The following DYNC1I2 variants were observed in gnomAD, a reference collection of about 807,000 sequenced individuals.
DYNC1I2 encodes the protein dynein cytoplasmic 1 intermediate chain 2, also known as cytoplasmic dynein 1 intermediate chain 2.
DYNC1I2 carries 53 observed loss-of-function variants against 88.6 expected under a neutral mutation model. The observed-to-expected ratio is 0.60, with a 90% CI of 0.48 to 0.75. DYNC1I2 has a LOEUF of 0.75. Among genes scored for constraint, DYNC1I2 ranks in the 30% least tolerant of loss-of-function variants. The pLI is 0.00. For synonymous variants in DYNC1I2, 198 were observed against 254.6 expected (o/e 0.78, Z 2.12); for missense variants, 458 against 766.6 (o/e 0.60, Z 4.75).
At chr2:171,718,381 T>G (rs1687662413) in intron 7 of DYNC1I2, among the ~76,000 whole-genome samples, 1 of 152,228 alleles carries the variant, frequency 6.6e-6, no homozygotes, top group African/African-American at 2.4e-5. Flanking sequence ...TTTTTGATAC[T>G]GCTGTGTACA....
chr2:171,744,346 A>G (rs1340273095), intron 16 of DYNC1I2, among the ~76,000 whole-genome samples, 157 bp downstream of exon 16: 3 of 152,368 alleles, frequency 2.0e-5, no homozygotes, highest in South Asian at 2.1e-4. Flanking sequence ...CCTAAATAAT[A>G]AACAGCATGC....
intron 15 of DYNC1I2, among the ~76,000 whole-genome samples, chr2:171,734,332 CTGAT>C (rs945375394): frequency 6.6e-6 from 1 of 152,146 alleles, no homozygotes; most frequent in African/African-American, 2.4e-5. Flanking sequence ...TGATAGCAGA[CTGAT>C]TGATACTTGC....
intron 3 of DYNC1I2, among the ~76,000 whole-genome samples, chr2:171,699,878 T>G (rs910921248): frequency 6.6e-6 from 1 of 152,036 alleles, no homozygotes; most frequent in Non-Finnish European, 1.5e-5. Context: ...TGGCCTCAAG[T>G]GATCCTCCCG....
At position 171,711,627 on chromosome 2, in the gene DYNC1I2, G is replaced by A. The variant is rs931844459; in HGVS notation, c.336-1140G>A. Among the ~76,000 whole-genome samples, 3 of 152,054 alleles carry A rather than the reference G, an allele frequency of 2.0e-5. No individual in the cohort carries two copies. In the South Asian group the frequency reaches 6.2e-4, roughly 32 times the overall value. On this transcript the variant is annotated intron_variant, in intron 5 of 17. Coordinates refer to ENST00000397119, the MANE Select transcript of DYNC1I2 (RefSeq NM_001378.3). The stretch of plus-strand genomic sequence containing the variant: ...TTAGTACAAAGTAGATCTTCACTGT[G>A]GCTGCTTCTTACATTGCATACACAT...
intron 3 of DYNC1I2, among the ~76,000 whole-genome samples, chr2:171,696,170 C>T (rs1219676442): frequency 6.6e-6 from 1 of 152,154 alleles, no homozygotes; most frequent in East Asian, 1.9e-4. Flanking sequence ...TAATATTCTT[C>T]ATTGAACAGA....
chr2:171,714,708 G>T (rs867698236), intron 6 of DYNC1I2, among the ~76,000 whole-genome samples: 1 of 152,308 alleles, frequency 6.6e-6, no homozygotes, highest in Non-Finnish European at 1.5e-5. Flanking sequence ...TTTAGTCTAA[G>T]TGTAGAATAT....
chr2:171,697,824 A>G (rs1685898219), intron 3 of DYNC1I2, among the ~76,000 whole-genome samples: 1 of 151,868 alleles, frequency 6.6e-6, no homozygotes, highest in African/African-American at 2.4e-5. Flanking sequence ...ACTGAACTCT[A>G]GCCTGAGCGA....
Position 171,727,968 on chromosome 2 carries a change from G to C in DYNC1I2, c.1143+1G>C. 1 of 1,612,126 alleles carries C rather than the reference G, an allele frequency of 6.2e-7. No individual in the cohort carries two copies. The highest frequency in any genetic ancestry group is 8.5e-7 in the Non-Finnish European group (1 of 1,178,904). On this transcript the variant is annotated splice_donor_variant, in intron 12 of 17. Transcript: ENST00000397119. LOFTEE classifies it high-confidence loss of function. Reference sequence around the variant, plus strand: ...TCCACTGTCAGCAGCTGCACACACAGTAAGTAAATAAGGTTATTTCCATTA... The same window carrying C: ...TCCACTGTCAGCAGCTGCACACACACTAAGTAAATAAGGTTATTTCCATTA...
intron 10 of DYNC1I2, 131 bp from the exon 11 acceptor site, chr2:171,726,660 G>A (rs527396236): frequency 9.9e-5 from 101 of 1,015,244 alleles, no homozygotes; most frequent in Admixed American, 2.9e-4. Context: ...TAATGCTAGA[G>A]ATGTCTCTCT....
intron 15 of DYNC1I2, among the ~76,000 whole-genome samples, chr2:171,739,448 A>G (rs1039672652): frequency 1.3e-5 from 2 of 152,074 alleles, no homozygotes; most frequent in African/African-American, 4.8e-5. Context: ...AATCTTGTCT[A>G]TACATAACCT....
At chr2:171,730,500 T>C (rs1688534185) in intron 15 of DYNC1I2, among the ~76,000 whole-genome samples, 1 of 152,234 alleles carries the variant, frequency 6.6e-6, no homozygotes, top group African/African-American at 2.4e-5. Context: ...CAGATAAATG[T>C]GACATTGTCT....
chr2:171,693,758 T>G (rs1259571173), intron 3 of DYNC1I2, among the ~76,000 whole-genome samples: 1 of 152,242 alleles, frequency 6.6e-6, no homozygotes, highest in Non-Finnish European at 1.5e-5. Context: ...GCTTCATTGT[T>G]ATTTCTTTCA....
At chr2:171,728,511 T>C in intron 13 of DYNC1I2, 93 bp downstream of exon 13, 1 of 853,526 alleles carries the variant, frequency 1.2e-6, no homozygotes, top group Non-Finnish European at 1.8e-6. Context: ...AACTGTTTTA[T>C]AGTAGTGTTA....
At chr2:171,704,544 A>T (rs1391885723) in intron 3 of DYNC1I2, among the ~76,000 whole-genome samples, 1 of 152,218 alleles carries the variant, frequency 6.6e-6, no homozygotes, top group Non-Finnish European at 1.5e-5. Flanking sequence ...CACTGTTCTT[A>T]CTAAGCAGAT....
intron 3 of DYNC1I2, among the ~76,000 whole-genome samples, chr2:171,693,867 A>T (rs1036919855): frequency 1.1e-4 from 17 of 152,342 alleles, no homozygotes; most frequent in Middle Eastern, 3.4e-3. Flanking sequence ...TTAAAAGTAA[A>T]TGAATCAGAA....
intron 15 of DYNC1I2, among the ~76,000 whole-genome samples, chr2:171,733,745 T>C (rs894082656): frequency 6.8e-6 from 1 of 147,124 alleles, no homozygotes; most frequent in Non-Finnish European, 1.5e-5. Flanking sequence ...CAATAGTTTT[T>C]TTTGTTTTTT....
Position 171,745,858 on chromosome 2 carries a change from G to C in DYNC1I2, c.1734G>C (p.Trp578Cys). 6.2e-7 allele frequency: 1 copy of C among 1,613,880 alleles called. No individual in the cohort carries two copies. The change falls in exon 17 of 18, where the codon TGG becomes TGC. Residue 578 changes from tryptophan (W) to cysteine (C), a missense_variant. Physicochemically the swap from Trp to Cys is radical, Grantham distance 215 (BLOSUM62 -2). Around this residue, in one of 5 missense-constraint regions of DYNC1I2, gnomAD observed 188 missense variants for 300.4 expected, o/e 0.63. Transcript: ENST00000397119. Reference protein sequence around the residue: ...EGNPALNRVRWTHSGREIAVG... With the variant: ...EGNPALNRVRCTHSGREIAVG... ...ATCCTGCTCTTAATCGTGTGAGATG[G>C]ACCCATTCTGGCAGAGAGATTGCTG...
At chr2:171,737,642 C>T (rs890652722) in intron 15 of DYNC1I2, among the ~76,000 whole-genome samples, 22 of 152,292 alleles carry the variant, frequency 1.4e-4, no homozygotes, top group African/African-American at 5.3e-4. Context: ...TGGTCTCAAA[C>T]TCCTGGCCTC....
At chr2:171,741,552 A>G (rs1689428866) in intron 15 of DYNC1I2, among the ~76,000 whole-genome samples, 1 of 152,112 alleles carries the variant, frequency 6.6e-6, no homozygotes, top group Non-Finnish European at 1.5e-5. Context: ...CTTATAGGCT[A>G]TTGTAAGCAC....
Sources: allele counts gnomAD v4.1 joint callset (sites outside exome capture counted in the v4.1 genomes callset), GRCh38; gene constraint gnomAD v4.1.1; regional missense constraint gnomAD v4.1.1; transcripts MANE v1.5; gene names NCBI Gene and HGNC (gene_info 2026-07-23, HGNC 2026-07-21).